SULF1: variants seen among roughly 807,000 people sequenced by gnomAD.
The protein encoded by SULF1 is extracellular sulfatase Sulf-1.
SULF1 carries 46 observed loss-of-function variants against 110.5 expected under a neutral mutation model. The observed-to-expected ratio is 0.42, with a 90% CI of 0.33 to 0.53. The LOEUF (loss-of-function observed/expected upper bound fraction) is 0.53. SULF1 is among the 20% of genes least tolerant of loss of function. The pLI, the probability that SULF1 is intolerant of heterozygous loss-of-function variation, is 0.12. For missense variants in SULF1, 941 were observed against 1,094.2 expected (o/e 0.86, Z 1.98); for synonymous variants, 371 against 387.1 (o/e 0.96, Z 0.49).
At chr8:69,624,310 G>T in intron 15 of SULF1, 113 bp downstream of exon 15, 1 of 1,409,472 alleles carries the variant, frequency 7.1e-7, no homozygotes, top group Non-Finnish European at 9.5e-7. Context: ...GCAATACAGT[G>T]CCTGAGGGCT....
intron 6 of SULF1, among the ~76,000 whole-genome samples, chr8:69,585,752 T>A (rs1163864732): frequency 6.6e-6 from 1 of 152,176 alleles, no homozygotes; most frequent in Non-Finnish European, 1.5e-5. Flanking sequence ...ATGTATACAT[T>A]CATAAAATAC....
At chr8:69,632,445 G>T (rs1030169982) in intron 19 of SULF1, among the ~76,000 whole-genome samples, 5 of 151,986 alleles carry the variant, frequency 3.3e-5, no homozygotes, top group African/African-American at 1.2e-4. Context: ...TACTATGTGT[G>T]CTATGCTTAA....
chr8:69,503,947 G>A (rs571244648), intron 3 of SULF1, among the ~76,000 whole-genome samples: 5 of 152,016 alleles, frequency 3.3e-5, no homozygotes, highest in Admixed American at 2.0e-4. Context: ...CTACAGACAC[G>A]TGCCACCACG....
intron 8 of SULF1, chr8:69,592,830 C>T (rs1807009312): frequency 5.2e-6 from 4 of 775,574 alleles, no homozygotes; most frequent in Non-Finnish European, 6.3e-6. Flanking sequence ...GAAATGACAA[C>T]TTGATGCTTG....
chr8:69,588,837 G>A (rs1806658871), intron 7 of SULF1, 135 bp from the exon 8 acceptor site: 1 of 726,030 alleles, frequency 1.4e-6, no homozygotes, highest in Non-Finnish European at 2.2e-6. Flanking sequence ...TGCCTTGGGA[G>A]GTGCAGCCTT....
At chr8:69,526,087 A>G (rs1017914781) in intron 3 of SULF1, among the ~76,000 whole-genome samples, 2 of 152,168 alleles carry the variant, frequency 1.3e-5, no homozygotes, top group African/African-American at 2.4e-5. Context: ...GCAGAATTGT[A>G]AAGTTTGGAA....
chr8:69,651,128 A>G (rs536092209), intron 22 of SULF1, among the ~76,000 whole-genome samples: 9 of 140,578 alleles, frequency 6.4e-5, no homozygotes, highest in African/African-American at 2.4e-4. Flanking sequence ...ATCTTGGCTC[A>G]CTGTAACCTC....
intron 3 of SULF1, among the ~76,000 whole-genome samples, chr8:69,551,978 G>C (rs1310675516): frequency 6.6e-6 from 1 of 152,178 alleles, no homozygotes; most frequent in Non-Finnish European, 1.5e-5. Context: ...TGTAATCCCA[G>C]CTACTCAGAA....
At position 69,660,083 on chromosome 8, in the gene SULF1, A is replaced by C. The variant is rs1255522830; in HGVS notation, c.*1548A>C. ...AAGATTGCCTGCTCTCTCTGTGCCT[A>C]GCCTCAAAGCGTTCATCATACATCA... is the stretch of plus-strand genomic sequence containing the variant. On this transcript the variant is annotated 3_prime_UTR_variant, in exon 23 of 23. Coordinates refer to ENST00000402687, the MANE Select transcript of SULF1 (RefSeq NM_001128205.2). 6.5e-6 allele frequency: 1 copy of C among 152,734 alleles called. No homozygotes were observed. Among genetic ancestry groups the C allele is most frequent in the East Asian group, 1.9e-4 (1 of 5,188 alleles). 9.5% of individuals were successfully genotyped at this position (152,734 alleles called of 1,614,324 possible).
intron 19 of SULF1, among the ~76,000 whole-genome samples, chr8:69,636,229 C>T (rs1810990252): frequency 6.6e-6 from 1 of 152,122 alleles, no homozygotes; most frequent in African/African-American, 2.4e-5. Context: ...TTTGTTTATT[C>T]CTGTAGCATA....
intron 3 of SULF1, among the ~76,000 whole-genome samples, chr8:69,514,767 T>A (rs2150597569): frequency 6.6e-6 from 1 of 152,342 alleles, no homozygotes; most frequent in South Asian, 2.1e-4. Flanking sequence ...AATGCTCATG[T>A]TCCAAAAGGG....
Position 69,629,597 on chromosome 8 carries a change from G to A in SULF1, c.2202G>A (p.Arg734=), listed in dbSNP as rs764777917. The A allele has an allele frequency of 7.9e-5, 128 of 1,613,950 alleles. No homozygotes were observed. Among genetic ancestry groups the A allele is most frequent in the Non-Finnish European group, 1.1e-4 (125 of 1,179,950 alleles). The change falls in exon 19 of 23, where the codon AGG becomes AGA. Residue 734 remains arginine, a synonymous_variant. Coordinates refer to ENST00000402687, the MANE Select transcript of SULF1 (RefSeq NM_001128205.2). ...AGAGGAAGGAGAAGAGACGGCAGAG[G>A]AAGGGGGAAGAGTGCAGCCTGCCTG... ...KKERKEKRRQ[R]KGEECSLPGL... is the part of the protein sequence containing the mutation.
intron 8 of SULF1, among the ~76,000 whole-genome samples, chr8:69,596,816 G>T (rs1212054796): frequency 6.6e-6 from 1 of 152,140 alleles, no homozygotes; most frequent in Non-Finnish European, 1.5e-5. Context: ...GCTATTAAGG[G>T]ATAAGCTCTT....
At chr8:69,559,543 G>C (rs1319757473) in intron 3 of SULF1, among the ~76,000 whole-genome samples, 1 of 152,128 alleles carries the variant, frequency 6.6e-6, no homozygotes, top group African/African-American at 2.4e-5. Context: ...TCTATCATTG[G>C]TAACAAACAC....
intron 1 of SULF1, among the ~76,000 whole-genome samples, chr8:69,469,743 T>C (rs956932645): frequency 1.3e-5 from 2 of 152,222 alleles, no homozygotes; most frequent in African/African-American, 4.8e-5. Flanking sequence ...AATGGGTTTA[T>C]TCTTTAAAAA....
intron 3 of SULF1, among the ~76,000 whole-genome samples, chr8:69,512,174 A>G (rs1205068318): frequency 6.6e-6 from 1 of 152,230 alleles, no homozygotes; most frequent in Non-Finnish European, 1.5e-5. Context: ...TCAAAGTAAC[A>G]AACATAGTGT....
intron 15 of SULF1, among the ~76,000 whole-genome samples, chr8:69,625,186 A>G (rs559477901): frequency 9.8e-5 from 15 of 152,344 alleles, no homozygotes; most frequent in African/African-American, 3.4e-4. Context: ...CTTTTCTTCA[A>G]ACAAGCCATT....
chr8:69,520,268 C>T lies in SULF1; in HGVS notation c.-134+18300C>T, dbSNP rs536613852. On this transcript the variant is annotated intron_variant, in intron 3 of 22. Transcript: ENST00000402687. Reference sequence around the variant, plus strand: ...TTGATCCACAGGATTCTTAAAATTCCCTTTTGTTCCTTTTTGACTATATTT... The same window carrying T: ...TTGATCCACAGGATTCTTAAAATTCTCTTTTGTTCCTTTTTGACTATATTT... Among the ~76,000 whole-genome samples, 17 of 152,036 alleles carry T rather than the reference C, an allele frequency of 1.1e-4. No homozygotes were observed. The South Asian group carries it at 3.5e-3, about 32-fold the overall frequency.
At chr8:69,590,802 C>A (rs1010366403) in intron 8 of SULF1, among the ~76,000 whole-genome samples, 13 of 152,218 alleles carry the variant, frequency 8.5e-5, no homozygotes, top group Admixed American at 1.3e-4. Context: ...CCCCTATATA[C>A]AACTCTGCGA....
Sources: allele counts gnomAD v4.1 joint callset (sites outside exome capture counted in the v4.1 genomes callset), GRCh38; gene constraint gnomAD v4.1.1; transcripts MANE v1.5; gene names NCBI Gene and HGNC (gene_info 2026-07-23, HGNC 2026-07-21).